Variants in CERKL observed in about 807,000 individuals in gnomAD.
CERKL encodes CERK like autophagy regulator.
In CERKL, 61 loss-of-function variants were observed where a neutral mutation model predicts 63.4. That is an observed-to-expected ratio of 0.96 (90% confidence interval 0.78 to 1.19). The LOEUF (loss-of-function observed/expected upper bound fraction) is 1.19, where lower values mean the gene tolerates loss of function less well. Ranked by LOEUF, CERKL falls within the 50% of genes most tolerant of loss-of-function variation. The pLI, the probability that CERKL is intolerant of heterozygous loss-of-function variation, is 0.00. For missense variants in CERKL, 675 were observed against 655.5 expected, an observed-to-expected ratio of 1.03 and a Z score of -0.33; for synonymous variants, 250 against 230.5, an observed-to-expected ratio of 1.08 and a Z score of -0.77.
At chr2:181,636,010 C>G (rs1687164295) in intron 1 of CERKL, among the ~76,000 whole-genome samples, 1 of 152,088 alleles carries the variant, frequency 6.6e-6, no homozygotes, top group Non-Finnish European at 1.5e-5. Flanking sequence ...ACAGGATACA[C>G]AAGGAAAGAG....
intron 5 of CERKL, among the ~76,000 whole-genome samples, chr2:181,555,165 T>G (rs1470745647): frequency 2.0e-5 from 3 of 152,160 alleles, no homozygotes; most frequent in African/African-American, 4.8e-5. Flanking sequence ...CCACCAAATT[T>G]ATGTCAAAGG....
At chr2:181,648,232 T>C (rs1475062709) in intron 1 of CERKL, among the ~76,000 whole-genome samples, 2 of 152,176 alleles carry the variant, frequency 1.3e-5, no homozygotes, top group East Asian at 1.9e-4. Flanking sequence ...TGGCACATTA[T>C]AGTCAAACTG....
At chr2:181,619,712 G>A (rs769161996) in intron 1 of CERKL, among the ~76,000 whole-genome samples, 8 of 152,004 alleles carry the variant, frequency 5.3e-5, no homozygotes, top group East Asian at 1.9e-4. Flanking sequence ...ACCAACTGTC[G>A]AAGCACATTG....
intron 4 of CERKL, 104 bp downstream of exon 4, chr2:181,565,954 C>A: frequency 1.3e-6 from 1 of 776,170 alleles, no homozygotes; most frequent in Non-Finnish European, 2.2e-6. Flanking sequence ...AGTACATACA[C>A]TACAAATATT....
At chr2:181,609,455 G>A (rs1258161214) in intron 1 of CERKL, among the ~76,000 whole-genome samples, 1 of 148,206 alleles carries the variant, frequency 6.7e-6, no homozygotes, top group Non-Finnish European at 1.5e-5. Context: ...CAGCACTTTG[G>A]GAGGCCGAGA....
intron 1 of CERKL, among the ~76,000 whole-genome samples, chr2:181,652,564 C>T (rs1323275505): frequency 6.6e-6 from 1 of 152,096 alleles, no homozygotes; most frequent in Non-Finnish European, 1.5e-5. Context: ...TTATTCTCGA[C>T]ACTGACCTGA....
chr2:181,611,154 C>T (rs542986740), intron 1 of CERKL, among the ~76,000 whole-genome samples: 5 of 151,930 alleles, frequency 3.3e-5, no homozygotes, highest in East Asian at 3.9e-4. Context: ...ACCCAGGAGG[C>T]GGAGGTTGCA....
At position 181,547,906 on chromosome 2, in the gene CERKL, G is replaced by GACACAGACACACAC. The variant is rs1553513316; in HGVS notation, c.1134-60_1134-59insGTGTGTGTCTGTGT. ...CAGATAACGCGCGCACAGACACACAGACACACACAAATCTATTAAATATGA... is the reference window on the plus strand; with the variant it reads ...CAGATAACGCGCGCACAGACACACAGACACAGACACACACACACACACAAATCTATTAAATATGA... On this transcript the variant is annotated intron_variant, in intron 8 of 12. Coordinates refer to ENST00000410087, the MANE Select transcript of CERKL (RefSeq NM_201548.5). 4.0e-5 allele frequency: 52 copies of GACACAGACACACAC among 1,291,924 alleles called. No homozygotes were observed. In the Admixed American group the frequency reaches 4.2e-4, roughly 11 times the overall value. The allele number at this position is 1,291,924 out of a possible 1,614,324, so 80.0% of individuals were successfully genotyped here.
intron 4 of CERKL, among the ~76,000 whole-genome samples, chr2:181,564,212 A>C (rs899028749): frequency 1.1e-4 from 16 of 152,124 alleles, no homozygotes; most frequent in African/African-American, 2.9e-4. Context: ...CTCACCTCCT[A>C]CTGTGCCTCC....
rs565730415 is a variant in CERKL at position 181,538,148 on chromosome 2, T to C, written c.*36A>G. ...TGGCCACATTTCTTTATATTAAAAT[T>C]CTAGTTTGTACATTTCTTTTAGAAA... On this transcript the variant is annotated 3_prime_UTR_variant, in exon 13 of 13. Coordinates refer to ENST00000410087, the MANE Select transcript of CERKL (RefSeq NM_201548.5). 1.5e-6 allele frequency: 2 copies of C among 1,367,566 alleles called. No individual in the cohort carries two copies. Among genetic ancestry groups the C allele is most frequent in the South Asian group, 2.3e-5 (2 of 85,656 alleles). 84.7% of individuals were successfully genotyped at this position (1,367,566 alleles called of 1,614,324 possible). A position where few individuals can be genotyped will look rare whatever the true frequency, so the allele number is the denominator to read the frequency against.
chr2:181,648,445 T>C (rs992867041), intron 1 of CERKL, among the ~76,000 whole-genome samples: 5 of 152,012 alleles, frequency 3.3e-5, no homozygotes, highest in African/African-American at 9.7e-5. Flanking sequence ...AAAGATACTA[T>C]ATCCAGCAAA....
intron 2 of CERKL, among the ~76,000 whole-genome samples, chr2:181,594,646 A>G (rs76026314): frequency 0.03 from 4,636 of 152,346 alleles, 222 homozygotes; most frequent in African/African-American, 0.11. Flanking sequence ...GTGTGAAACT[A>G]GTAAAAACAG....
rs886604073 is a variant in CERKL, at chr2:181,539,404, A to T, written c.1366-140T>A. Reference sequence around the variant, plus strand: ...AATAGCTTTGAGACTATGAACAGGGATCTCCAACTTTTTTTGGAAGAAGGA... The same window carrying T: ...AATAGCTTTGAGACTATGAACAGGGTTCTCCAACTTTTTTTGGAAGAAGGA... On this transcript the variant is annotated intron_variant, in intron 11 of 12. Coordinates refer to ENST00000410087, the MANE Select transcript of CERKL (RefSeq NM_201548.5). 6.5e-6 allele frequency: 4 copies of T among 615,996 alleles called. 1 individual carries two copies. In the Admixed American group the frequency reaches 1.2e-4, roughly 18 times the overall value. 38.2% of individuals were successfully genotyped at this position (615,996 alleles called of 1,614,324 possible).
intron 2 of CERKL, among the ~76,000 whole-genome samples, chr2:181,601,123 TA>T (rs1379661818): frequency 1.3e-5 from 2 of 152,030 alleles, no homozygotes; most frequent in South Asian, 2.1e-4. Flanking sequence ...AATTAATGCA[TA>T]AATCAAAAAA....
intron 10 of CERKL, 143 bp from the exon 11 acceptor site, chr2:181,544,939 TA>T (rs1339219051): frequency 1.9e-6 from 1 of 538,006 alleles, no homozygotes; most frequent in Non-Finnish European, 3.3e-6. Flanking sequence ...TACGTTTACC[TA>T]AAATTCATAA....
intron 2 of CERKL, among the ~76,000 whole-genome samples, chr2:181,596,547 C>A (rs1395426914): frequency 6.6e-6 from 1 of 152,144 alleles, no homozygotes; most frequent in African/African-American, 2.4e-5. Context: ...TTCCAAGCAT[C>A]CCATAAACCA....
intron 2 of CERKL, among the ~76,000 whole-genome samples, chr2:181,603,410 A>T (rs191425156): frequency 6.6e-6 from 1 of 152,320 alleles, no homozygotes; most frequent in East Asian, 1.9e-4. Context: ...AACTCATTCT[A>T]TGAGGCCAGT....
chr2:181,641,735 G>A (rs1687451033), intron 1 of CERKL, among the ~76,000 whole-genome samples: 1 of 152,084 alleles, frequency 6.6e-6, no homozygotes, highest in South Asian at 2.1e-4. Context: ...CTTGCTACAT[G>A]CAGTTATTGA....
intron 10 of CERKL, among the ~76,000 whole-genome samples, chr2:181,546,978 G>T (rs1025130963): frequency 6.6e-6 from 1 of 152,068 alleles, no homozygotes; most frequent in Non-Finnish European, 1.5e-5. Context: ...ATGGGGGTGG[G>T]TCTTTCCTGT....
Sources: gnomAD v4.1 joint callset for allele counts (sites outside exome capture counted in the v4.1 genomes callset) on GRCh38, gnomAD v4.1.1 for gene constraint, MANE v1.5 for transcripts, NCBI Gene and HGNC (gene_info 2026-07-23, HGNC 2026-07-21) for gene names.